The following HIVEP3 variants were observed in gnomAD, a reference collection of about 807,000 sequenced individuals.
The protein encoded by HIVEP3 is transcription factor HIVEP3.
Under a neutral mutation model 152.8 loss-of-function variants are expected in HIVEP3, and 49 were observed. That is an observed-to-expected ratio of 0.32 (90% CI 0.26 to 0.41). HIVEP3 has a LOEUF of 0.41. Ranked by LOEUF, HIVEP3 falls within the 10% of genes least tolerant of loss-of-function variation. HIVEP3 has a pLI of 1.00. For synonymous variants in HIVEP3, 1,269 were observed against 1,289.0 expected, an observed-to-expected ratio of 0.98 and a Z score of 0.33; for missense variants, 2,790 against 3,103.3, an observed-to-expected ratio of 0.90 and a Z score of 2.40.
chr1:41,706,572 G>A (rs575964705), intron 1 of HIVEP3, among the ~76,000 whole-genome samples: 23 of 152,350 alleles, frequency 1.5e-4, no homozygotes, highest in South Asian at 1.4e-3. Flanking sequence ...GTAAGCCACC[G>A]TGCCAGGCTG....
chr1:41,523,057 A>T (rs1642804721), intron 6 of HIVEP3, among the ~76,000 whole-genome samples: 1 of 152,224 alleles, frequency 6.6e-6, no homozygotes, highest in African/African-American at 2.4e-5. Flanking sequence ...GTTTTCTGGG[A>T]TCACTTTCTT....
At chr1:41,663,441 C>G (rs903758380) in intron 2 of HIVEP3, among the ~76,000 whole-genome samples, 1 of 152,238 alleles carries the variant, frequency 6.6e-6, no homozygotes, top group African/African-American at 2.4e-5. Flanking sequence ...GAACTAAGCA[C>G]TATGCTGACC....
intron 1 of HIVEP3, among the ~76,000 whole-genome samples, chr1:41,879,639 C>T (rs913303804): frequency 6.6e-6 from 1 of 152,184 alleles, no homozygotes; most frequent in Non-Finnish European, 1.5e-5. Flanking sequence ...CAGCCAATAC[C>T]CTGCTTCTCT....
chr1:41,795,028 T>A (rs1034310786), intron 1 of HIVEP3, among the ~76,000 whole-genome samples: 1 of 152,206 alleles, frequency 6.6e-6, no homozygotes, highest in Admixed American at 6.5e-5. Context: ...GACCTAAGAC[T>A]ATATAGTCAT....
chr1:41,564,200 A>G (rs1644127367), intron 5 of HIVEP3, among the ~76,000 whole-genome samples: 2 of 152,052 alleles, frequency 1.3e-5, no homozygotes, highest in African/African-American at 4.8e-5. Context: ...TCAAACAACA[A>G]CAACAACAAC....
chr1:41,709,824 A>AG (rs1460610305), intron 1 of HIVEP3, among the ~76,000 whole-genome samples: 2 of 152,176 alleles, frequency 1.3e-5, no homozygotes, highest in Non-Finnish European at 2.9e-5. Flanking sequence ...TGCCAGATGC[A>AG]GAGTTCAGGG....
In HIVEP3 at chr1:41,625,619, T is replaced by C. The variant is rs536013196; in HGVS notation, c.-522+3130A>G. On this transcript the variant is annotated intron_variant, in intron 3 of 8. Coordinates refer to ENST00000372583, the MANE Select transcript of HIVEP3 (RefSeq NM_024503.5). ...GTGTGGTGGTCCATGCCTGTACTCCTAGCTACTCAGGAAGCTGAGATAGGA... is the reference window on the plus strand; with the variant it reads ...GTGTGGTGGTCCATGCCTGTACTCCCAGCTACTCAGGAAGCTGAGATAGGA... 3.6e-4 allele frequency among the ~76,000 whole-genome samples: 55 copies of C among 152,294 alleles called. 1 individual carries two copies. The highest frequency in any genetic ancestry group is 1.3e-3 in the African/African-American group (54 of 41,556).
At chr1:41,762,255 A>G (rs1396647365) in intron 1 of HIVEP3, among the ~76,000 whole-genome samples, 1 of 152,214 alleles carries the variant, frequency 6.6e-6, no homozygotes, top group Admixed American at 6.5e-5. Flanking sequence ...TTGTAGCTTA[A>G]TAAAACTCTT....
intron 1 of HIVEP3, among the ~76,000 whole-genome samples, chr1:41,954,193 T>C (rs1397019222): frequency 2.0e-5 from 3 of 152,188 alleles, no homozygotes; most frequent in Non-Finnish European, 2.9e-5. Context: ...GCGCTGGATG[T>C]GTGGAATATT....
At chr1:41,991,718 T>C (rs1032872185) in intron 1 of HIVEP3, among the ~76,000 whole-genome samples, 5 of 150,990 alleles carry the variant, frequency 3.3e-5, no homozygotes, top group South Asian at 2.1e-4. Flanking sequence ...TAGACCAATA[T>C]CCTTGATGAA....
At chr1:41,819,325 C>T (rs1206472059) in intron 1 of HIVEP3, among the ~76,000 whole-genome samples, 1 of 149,212 alleles carries the variant, frequency 6.7e-6, no homozygotes, top group African/African-American at 2.5e-5. Flanking sequence ...TTCCATTTGT[C>T]TTTTTTTTTT....
In HIVEP3 at chr1:41,510,502, C is replaced by G. The variant is rs760894958; in HGVS notation, c.7170G>C (p.Glu2390Asp). 4 of 1,595,090 alleles carry G rather than the reference C, an allele frequency of 2.5e-6. No homozygotes were observed. The Admixed American group carries it at 6.9e-5, about 28-fold the overall frequency. Reference protein sequence around the residue: ...QDSPKPSGSGEPRAHPHQPED... With the variant: ...QDSPKPSGSGDPRAHPHQPED... Reference sequence around the variant, plus strand: ...CAGGCTGATGTGGATGTGCCCTGGGCTCCCCACTTCCTGAGGGCTTGGGGG... The same window carrying G: ...CAGGCTGATGTGGATGTGCCCTGGGGTCCCCACTTCCTGAGGGCTTGGGGG... Residue 2390 changes from glutamate to aspartate, a missense_variant, in exon 9 of 9, where the codon GAG (glutamate) becomes GAC (aspartate). By Grantham distance (45) the Glu-to-Asp change is conservative. Transcript: ENST00000372583.
chr1:41,893,794 A>G (rs1644485637), intron 1 of HIVEP3, among the ~76,000 whole-genome samples: 1 of 147,530 alleles, frequency 6.8e-6, no homozygotes, highest in Admixed American at 6.8e-5. Context: ...TTTATATATT[A>G]AATATGCATA....
intron 1 of HIVEP3, among the ~76,000 whole-genome samples, chr1:41,753,861 T>C (rs2124229449): frequency 6.6e-6 from 1 of 152,120 alleles, no homozygotes; most frequent in South Asian, 2.1e-4. Context: ...ATGAACAAAA[T>C]CTCTGTCCTC....
At chr1:41,751,324 ATTTTTT>A (rs35864189) in intron 1 of HIVEP3, among the ~76,000 whole-genome samples, 1 of 104,560 alleles carries the variant, frequency 9.6e-6, no homozygotes, top group Non-Finnish European at 1.8e-5. Flanking sequence ...ACTGACACAC[ATTTTTT>A]TTTTTTTTTT....
intron 1 of HIVEP3, among the ~76,000 whole-genome samples, chr1:41,986,623 G>A (rs1282383005): frequency 6.6e-6 from 1 of 152,054 alleles, no homozygotes; most frequent in East Asian, 1.9e-4. Context: ...TGTATTTTTA[G>A]TAGAGACAGG....
intron 5 of HIVEP3, among the ~76,000 whole-genome samples, chr1:41,562,606 TCTCTC>T (rs1644089660): frequency 1.0e-5 from 1 of 95,604 alleles, no homozygotes; most frequent in Non-Finnish European, 2.0e-5. Context: ...TTTCTTTCTC[TCTCTC>T]TCTCTCTCTC....
chr1:41,551,103 T>C (rs9439045), intron 5 of HIVEP3, among the ~76,000 whole-genome samples: 88,282 of 151,940 alleles, frequency 0.58, 25,861 homozygotes, highest in Middle Eastern at 0.66. Context: ...TGAATTTTGT[T>C]GAAGGCCTTT....
In HIVEP3 at chr1:41,511,100, G is replaced by A. The variant is rs1252032454; in HGVS notation, c.6572C>T (p.Pro2191Leu). The change falls in exon 9 of 9, where the codon CCA becomes CTA. Residue 2191 changes from proline to leucine, a missense_variant. Pro to Leu is a moderately conservative substitution (Grantham distance 98, BLOSUM62 -3). Coordinates refer to ENST00000372583, the MANE Select transcript of HIVEP3 (RefSeq NM_024503.5). The surrounding 1 kb of genome is among the most constrained non-coding windows in gnomAD (Gnocchi z 4.9). The stretch of plus-strand genomic sequence containing the variant: ...CCCACCGATGGGAATCAAGGGACAT[G>A]GGGCACGGGTCAAGTGCTGGGAGTG... The part of the protein sequence containing the change: ...PLHSQHLTRA[P>L]CPLIPIGGIQ... 1 of 1,614,220 alleles carries A rather than the reference G, an allele frequency of 6.2e-7. No homozygotes were observed. Among genetic ancestry groups the A allele is most frequent in the Non-Finnish European group, 8.5e-7 (1 of 1,180,038 alleles).
Sources: allele counts gnomAD v4.1 joint callset (sites outside exome capture counted in the v4.1 genomes callset), GRCh38; gene constraint gnomAD v4.1.1; non-coding constraint Gnocchi (gnomAD v3.1); transcripts MANE v1.5; gene names NCBI Gene and HGNC (gene_info 2026-07-23, HGNC 2026-07-21).